The following CDH4 variants were observed in gnomAD, a reference collection of about 807,000 sequenced individuals.
CDH4 encodes the protein cadherin 4.
Under a neutral mutation model 86.0 loss-of-function variants are expected in CDH4, and 33 were observed. The ratio of observed to expected loss-of-function variants is 0.38; its 90% CI spans 0.29 to 0.51. The LOEUF (loss-of-function observed/expected upper bound fraction) is 0.51. Ranked by LOEUF, CDH4 falls within the 20% of genes least tolerant of loss-of-function variation. The probability of loss-of-function intolerance (pLI) is 0.86; values close to 1 mark genes in which losing one functional copy is unlikely to be tolerated. For synonymous variants in CDH4, 555 were observed against 549.4 expected, an observed-to-expected ratio of 1.01 and a Z score of -0.14; for missense variants, 1,114 against 1,307.4, an observed-to-expected ratio of 0.85 and a Z score of 2.28.
chr20:61,560,440 T>G (rs2086208223), intron 2 of CDH4, among the ~76,000 whole-genome samples: 1 of 152,238 alleles, frequency 6.6e-6, no homozygotes, highest in African/African-American at 2.4e-5. Context: ...TTTGAAACTT[T>G]ATGGGTGTGT....
chr20:61,633,778 G>A (rs963648913), intron 2 of CDH4, among the ~76,000 whole-genome samples: 7 of 152,230 alleles, frequency 4.6e-5, no homozygotes, highest in Admixed American at 3.9e-4. Flanking sequence ...CCTGCACAGA[G>A]CTCAGTCCAG....
chr20:61,920,316 G>A (rs75490114), intron 9 of CDH4, among the ~76,000 whole-genome samples: 21 of 136,670 alleles, frequency 1.5e-4, no homozygotes, highest in Non-Finnish European at 2.5e-4. Flanking sequence ...GTGTGGAAGC[G>A]TGGTGTGATT....
intron 2 of CDH4, among the ~76,000 whole-genome samples, chr20:61,322,817 G>A (rs944015881): frequency 6.6e-5 from 10 of 152,230 alleles, no homozygotes; most frequent in African/African-American, 2.2e-4. Context: ...TCAGTTCCCA[G>A]TGGACTTGTG....
intron 4 of CDH4, among the ~76,000 whole-genome samples, chr20:61,824,059 A>T (rs910661752): frequency 6.6e-6 from 1 of 152,176 alleles, no homozygotes; most frequent in South Asian, 2.1e-4. Flanking sequence ...TTTTTACATT[A>T]CTGTTTTCTA....
intron 2 of CDH4, among the ~76,000 whole-genome samples, chr20:61,578,773 T>A (rs546117431): frequency 6.6e-6 from 1 of 152,258 alleles, no homozygotes; most frequent in South Asian, 2.1e-4. Context: ...AAAATATTGC[T>A]TCTCTCATCC....
chr20:61,413,395 G>A (rs1003690162), intron 2 of CDH4, among the ~76,000 whole-genome samples: 13 of 152,142 alleles, frequency 8.5e-5, no homozygotes, highest in Admixed American at 7.2e-4. Context: ...CCAAGGCTGC[G>A]TGAGTGGTTG....
intron 2 of CDH4, among the ~76,000 whole-genome samples, chr20:61,578,741 C>T (rs1235970936): frequency 6.6e-6 from 1 of 152,190 alleles, no homozygotes; most frequent in African/African-American, 2.4e-5. Flanking sequence ...CCCAATCCAA[C>T]TGATATGAGC....
chr20:61,762,811 G>T (rs1271012160), intron 3 of CDH4, among the ~76,000 whole-genome samples: 1 of 152,218 alleles, frequency 6.6e-6, no homozygotes, highest in East Asian at 1.9e-4. Flanking sequence ...TCCCCAAAGA[G>T]CCACTTTCTT....
At chr20:61,535,990 C>T (rs2145648224) in intron 2 of CDH4, among the ~76,000 whole-genome samples, 1 of 152,264 alleles carries the variant, frequency 6.6e-6, no homozygotes, top group Non-Finnish European at 1.5e-5. Context: ...AGTATTTCAA[C>T]CCAGCAGACC....
rs142617823 is a variant in CDH4 at position 61,516,974 on chromosome 20, C to T, written c.170-226589C>T. On this transcript the variant is annotated intron_variant, in intron 2 of 15. Transcript: ENST00000614565. This position sits in a 1 kb window ranked among gnomAD's most constrained non-coding sequence, Gnocchi z 4.0. Reference sequence around the variant, plus strand: ...TTTCAATGTATTGGGATGTCATGCACGCCCTGAAAAATGCAGGCATGATTA... The same window carrying T: ...TTTCAATGTATTGGGATGTCATGCATGCCCTGAAAAATGCAGGCATGATTA... Among the ~76,000 whole-genome samples the T allele has an allele frequency of 5.2e-3, 791 of 152,214 alleles. 20 individuals are homozygous for T. Among genetic ancestry groups the T allele is most frequent in the Admixed American group, 0.045 (689 of 15,290 alleles).
chr20:61,865,153 C>G (rs1983490980), intron 6 of CDH4, among the ~76,000 whole-genome samples: 1 of 152,182 alleles, frequency 6.6e-6, no homozygotes, highest in Non-Finnish European at 1.5e-5. Context: ...TCCTGCCACC[C>G]TGCATCCCTC....
chr20:61,751,149 A>T (rs189985626), intron 3 of CDH4, among the ~76,000 whole-genome samples: 12 of 152,314 alleles, frequency 7.9e-5, no homozygotes, highest in Admixed American at 7.8e-4. Flanking sequence ...GAAAGGGCGA[A>T]GGTAGCCTAG....
At position 61,516,866 on chromosome 20, in the gene CDH4, G is replaced by T. The variant is rs546416325; in HGVS notation, c.170-226697G>T. 6.6e-6 allele frequency among the ~76,000 whole-genome samples: 1 copy of T among 152,182 alleles called. No individual in the cohort carries two copies. Among genetic ancestry groups the T allele is most frequent in the East Asian group, 1.9e-4 (1 of 5,196 alleles). Reference sequence around the variant, plus strand: ...CTGCTCCCCTACTCCCTGGCTCCTCGTCCTAGCAAGGAGCTCCAGGCACCC... The same window carrying T: ...CTGCTCCCCTACTCCCTGGCTCCTCTTCCTAGCAAGGAGCTCCAGGCACCC... On this transcript the variant is annotated intron_variant, in intron 2 of 15. Coordinates refer to ENST00000614565, the MANE Select transcript of CDH4 (RefSeq NM_001794.5). The surrounding 1 kb of genome is among the most constrained non-coding windows in gnomAD (Gnocchi z 4.0).
chr20:61,720,830 C>T (rs1199647627), intron 2 of CDH4, among the ~76,000 whole-genome samples: 2 of 152,134 alleles, frequency 1.3e-5, no homozygotes, highest in East Asian at 1.9e-4. Context: ...TTGTCTCAAA[C>T]ACCCTGCCAG....
chr20:61,836,627 T>C (rs1330069496), intron 4 of CDH4, among the ~76,000 whole-genome samples: 4 of 152,200 alleles, frequency 2.6e-5, no homozygotes, highest in Non-Finnish European at 4.4e-5. Context: ...ACAAACATCT[T>C]CAAACCTCTT....
chr20:61,454,254 G>A (rs1434049714), intron 2 of CDH4, among the ~76,000 whole-genome samples: 1 of 152,132 alleles, frequency 6.6e-6, no homozygotes, highest in Non-Finnish European at 1.5e-5. Flanking sequence ...CTATCCTCAC[G>A]GAGTTTATAC....
Position 61,684,002 on chromosome 20 carries a change from G to T in CDH4, c.170-59561G>T, listed in dbSNP as rs981223943. On this transcript the variant is annotated intron_variant, in intron 2 of 15. Transcript: ENST00000614565. This position sits in a 1 kb window ranked among gnomAD's most constrained non-coding sequence, Gnocchi z 4.5. ...ATCATCCCCTTCCCAGGAGCTCCTC[G>T]TGTCTGGGGAGGTGGGCGTGGCAGG... Among the ~76,000 whole-genome samples, 2 of 152,346 alleles carry T rather than the reference G, an allele frequency of 1.3e-5. No homozygotes were observed. The highest frequency in any genetic ancestry group is 4.1e-4 in the South Asian group (2 of 4,830).
At chr20:61,653,376 T>C (rs1374095143) in intron 2 of CDH4, among the ~76,000 whole-genome samples, 1 of 138,698 alleles carries the variant, frequency 7.2e-6, no homozygotes, top group East Asian at 2.0e-4. Context: ...TTCTCAATCT[T>C]TTCCCCACCT....
At chr20:61,406,182 G>A (rs1349885069) in intron 2 of CDH4, among the ~76,000 whole-genome samples, 1 of 152,058 alleles carries the variant, frequency 6.6e-6, no homozygotes, top group African/African-American at 2.4e-5. Flanking sequence ...ATGCCCGTCT[G>A]GTACACCAAT....
Sources: allele counts gnomAD v4.1 joint callset (sites outside exome capture counted in the v4.1 genomes callset), GRCh38; gene constraint gnomAD v4.1.1; non-coding constraint Gnocchi (gnomAD v3.1); transcripts MANE v1.5; gene names NCBI Gene and HGNC (gene_info 2026-07-23, HGNC 2026-07-21).